TRABD2B: variants seen among roughly 807,000 people sequenced by gnomAD.
TRABD2B encodes metalloprotease TIKI2.
A neutral mutation model predicts 40.1 loss-of-function variants in TRABD2B; 14 were observed. That is an observed-to-expected ratio of 0.35 (90% CI 0.23 to 0.55). The LOEUF (loss-of-function observed/expected upper bound fraction) is 0.55. Ranked by LOEUF, TRABD2B falls within the 20% of genes least tolerant of loss-of-function variation. The pLI is 0.90. For missense variants in TRABD2B, 541 were observed against 648.6 expected, an observed-to-expected ratio of 0.83 and a Z score of 1.80; for synonymous variants, 263 against 277.0, an observed-to-expected ratio of 0.95 and a Z score of 0.50.
chr1:47,982,790 T>A (rs890771587), intron 2 of TRABD2B, among the ~76,000 whole-genome samples: 2 of 152,184 alleles, frequency 1.3e-5, no homozygotes, highest in Non-Finnish European at 2.9e-5. Context: ...CACTTCCGTG[T>A]AAGTCTGCTT....
chr1:47,811,166 G>A (rs1052136920), intron 2 of TRABD2B, among the ~76,000 whole-genome samples: 2 of 152,154 alleles, frequency 1.3e-5, no homozygotes, highest in Non-Finnish European at 2.9e-5. Context: ...AGAACGTGGG[G>A]GGAGCTGTGT....
chr1:47,892,496 G>A (rs1644461928), intron 2 of TRABD2B, among the ~76,000 whole-genome samples: 1 of 152,208 alleles, frequency 6.6e-6, no homozygotes, highest in Admixed American at 6.6e-5. Context: ...GAGAATTTGG[G>A]CTGCAGATTG....
chr1:47,784,610 C>G (rs1049754391), intron 4 of TRABD2B, among the ~76,000 whole-genome samples: 3 of 152,228 alleles, frequency 2.0e-5, no homozygotes, highest in African/African-American at 7.2e-5. Context: ...CTTTCAAATG[C>G]TAATCTAGCT....
At chr1:47,827,127 A>G (rs1645186936) in intron 2 of TRABD2B, among the ~76,000 whole-genome samples, 1 of 152,154 alleles carries the variant, frequency 6.6e-6, no homozygotes, top group Admixed American at 6.5e-5. Flanking sequence ...GCTGCCAGGG[A>G]TGCCACCCAG....
At chr1:47,880,184 TG>T (rs1334263285) in intron 2 of TRABD2B, among the ~76,000 whole-genome samples, 1 of 152,114 alleles carries the variant, frequency 6.6e-6, no homozygotes, top group African/African-American at 2.4e-5. Context: ...GGGGTGGTCG[TG>T]GGCACCTGTA....
At chr1:47,922,514 G>C (rs976476829) in intron 2 of TRABD2B, among the ~76,000 whole-genome samples, 1 of 152,208 alleles carries the variant, frequency 6.6e-6, no homozygotes, top group African/African-American at 2.4e-5. Flanking sequence ...AAGATGCCAG[G>C]GGTGGAGTTG....
In TRABD2B at chr1:47,765,837, G is replaced by A. The variant is rs1001303817; in HGVS notation, c.*65C>T. On this transcript the variant is annotated 3_prime_UTR_variant, in exon 7 of 7. Transcript: ENST00000606738. ...GCACCCCCTGGAGGTGGTGGCAGGA[G>A]CAGTTGGGTGTGGCCGAAGACCCCT... 1 of 702,768 alleles carries A rather than the reference G, an allele frequency of 1.4e-6. No individual in the cohort carries two copies. Among genetic ancestry groups the A allele is most frequent in the Admixed American group, 2.0e-5 (1 of 49,994 alleles). 43.5% of individuals were successfully genotyped at this position (702,768 alleles called of 1,614,324 possible). A position where few individuals can be genotyped will look rare whatever the true frequency, so the allele number is the denominator to read the frequency against.
chr1:47,798,548 C>T (rs1644778548), intron 3 of TRABD2B, among the ~76,000 whole-genome samples: 1 of 152,204 alleles, frequency 6.6e-6, no homozygotes, highest in Admixed American at 6.5e-5. Flanking sequence ...TGAGGTGCCC[C>T]TGGCCCCTTT....
Position 47,860,715 on chromosome 1 carries a change from C to T in TRABD2B, c.667-59096G>A, listed in dbSNP as rs147880097. On this transcript the variant is annotated intron_variant, in intron 2 of 6. Transcript: ENST00000606738. ...TGGGCCTAGTCAGAAGTGTTTTGGT[C>T]ATGGGGGGTCTCTCAAGAATAGCTT... is the stretch of plus-strand genomic sequence containing the variant. 1.4e-3 allele frequency among the ~76,000 whole-genome samples: 220 copies of T among 152,228 alleles called. 3 individuals carry two copies. Among genetic ancestry groups the T allele is most frequent in the African/African-American group, 5.1e-3 (212 of 41,536 alleles).
At chr1:47,804,236 A>G (rs891025111) in intron 2 of TRABD2B, among the ~76,000 whole-genome samples, 1 of 152,146 alleles carries the variant, frequency 6.6e-6, no homozygotes, top group Non-Finnish European at 1.5e-5. Context: ...GGCCGCCACC[A>G]TTGAAATCTG....
At chr1:47,793,261 C>T (rs1644700555) in intron 4 of TRABD2B, among the ~76,000 whole-genome samples, 1 of 152,136 alleles carries the variant, frequency 6.6e-6, no homozygotes, top group Non-Finnish European at 1.5e-5. Flanking sequence ...GAGGCCACAA[C>T]AGGCCACAGC....
intron 2 of TRABD2B, among the ~76,000 whole-genome samples, chr1:47,896,164 T>C (rs1040159581): frequency 2.6e-5 from 4 of 152,114 alleles, no homozygotes; most frequent in African/African-American, 9.7e-5. Flanking sequence ...CTCCATATAT[T>C]AAAATAACAC....
intron 2 of TRABD2B, among the ~76,000 whole-genome samples, chr1:47,831,705 G>T (rs919685744): frequency 2.6e-5 from 4 of 152,198 alleles, no homozygotes; most frequent in African/African-American, 9.6e-5. Context: ...TCACCAGCGG[G>T]TCGCAAACTG....
intron 2 of TRABD2B, among the ~76,000 whole-genome samples, chr1:47,835,620 A>C (rs1250698533): frequency 1.3e-5 from 2 of 152,226 alleles, no homozygotes; most frequent in African/African-American, 4.8e-5. Context: ...ATATATTAAA[A>C]AGTGCTAAAA....
chr1:47,927,027 G>A (rs1644979459), intron 2 of TRABD2B, among the ~76,000 whole-genome samples: 1 of 152,198 alleles, frequency 6.6e-6, no homozygotes, highest in Non-Finnish European at 1.5e-5. Flanking sequence ...ATTGTATGAC[G>A]CAGGCCAAGT....
intron 2 of TRABD2B, among the ~76,000 whole-genome samples, chr1:47,964,175 C>T (rs954290674): frequency 2.6e-5 from 4 of 152,100 alleles, no homozygotes; most frequent in Non-Finnish European, 5.9e-5. Context: ...ATAGATTTAA[C>T]GAGCCAATTT....
At chr1:47,978,240 C>G (rs565747040) in intron 2 of TRABD2B, among the ~76,000 whole-genome samples, 43 of 152,098 alleles carry the variant, frequency 2.8e-4, no homozygotes, top group Admixed American at 5.2e-4. Context: ...TGGCACCATC[C>G]GTGAACCAGA....
At chr1:47,982,860 G>A (rs1339601630) in intron 2 of TRABD2B, among the ~76,000 whole-genome samples, 1 of 152,034 alleles carries the variant, frequency 6.6e-6, no homozygotes, top group Non-Finnish European at 1.5e-5. Context: ...GTCTCTCAAA[G>A]CCACCTCCAT....
At chr1:47,894,386 A>G (rs1259788296) in intron 2 of TRABD2B, among the ~76,000 whole-genome samples, 1 of 152,242 alleles carries the variant, frequency 6.6e-6, no homozygotes, top group Admixed American at 6.5e-5. Flanking sequence ...TGCTTGACAC[A>G]TGGCAGGCAC....
Sources: allele counts gnomAD v4.1 joint callset (sites outside exome capture counted in the v4.1 genomes callset), GRCh38; gene constraint gnomAD v4.1.1; transcripts MANE v1.5; gene names NCBI Gene and HGNC (gene_info 2026-07-23, HGNC 2026-07-21).